Variants in KAZN observed in about 807,000 individuals in gnomAD.
KAZN encodes kazrin.
Under a neutral mutation model 87.4 loss-of-function variants are expected in KAZN, and 40 were observed. The ratio of observed to expected loss-of-function variants is 0.46; its 90% confidence interval spans 0.36 to 0.60. The LOEUF (loss-of-function observed/expected upper bound fraction) is 0.60, where lower values mean the gene tolerates loss of function less well. Among genes scored for constraint, KAZN ranks in the 20% least tolerant of loss-of-function variants. The probability of loss-of-function intolerance (pLI) is 0.00; values close to 1 mark genes in which losing one functional copy is unlikely to be tolerated. For missense variants in KAZN, 898 were observed against 1,073.9 expected, an observed-to-expected ratio of 0.84 and a Z score of 2.29; for synonymous variants, 466 against 458.3, an observed-to-expected ratio of 1.02 and a Z score of -0.22.
intron 4 of KAZN, among the ~76,000 whole-genome samples, chr1:15,046,277 A>T (rs992869005): frequency 7.3e-6 from 1 of 137,024 alleles, no homozygotes. Flanking sequence ...CAGCCTGGGC[A>T]ACAGAGCAAG....
intron 2 of KAZN, among the ~76,000 whole-genome samples, chr1:14,446,835 CA>C (rs1456057818): frequency 6.6e-6 from 1 of 152,096 alleles, no homozygotes; most frequent in Non-Finnish European, 1.5e-5. Flanking sequence ...GAAAGATCCC[CA>C]TCCCTACCCC....
At chr1:14,272,601 G>A (rs1322748122) in intron 2 of KAZN, among the ~76,000 whole-genome samples, 2 of 152,200 alleles carry the variant, frequency 1.3e-5, no homozygotes, top group South Asian at 2.1e-4. Context: ...GCTCACACCT[G>A]TAATCCCAGC....
intron 2 of KAZN, among the ~76,000 whole-genome samples, chr1:14,966,219 A>G (rs1184251722): frequency 6.6e-6 from 1 of 152,178 alleles, no homozygotes; most frequent in Non-Finnish European, 1.5e-5. Flanking sequence ...ACCTTAAGCA[A>G]TCTGCCTGCC....
Position 15,081,561 on chromosome 1 carries a change from C to T in KAZN, c.1223-12619C>T, listed in dbSNP as rs552961284. ...GAAAGGTTCCAGGAATTAATGACAG[C>T]GTGTGTGTGTGTGTGTGTGAGTGTG... is the stretch of plus-strand genomic sequence containing the variant. On this transcript the variant is annotated intron_variant, in intron 8 of 14. Transcript: ENST00000376030. The surrounding 1 kb of genome is among the most constrained non-coding windows in gnomAD (Gnocchi z 4.1). Among the ~76,000 whole-genome samples the T allele has an allele frequency of 2.0e-5, 3 of 149,774 alleles. No individual in the cohort carries two copies. In the South Asian group the frequency reaches 6.4e-4, roughly 32 times the overall value.
At position 14,891,117 on chromosome 1, in the gene KAZN, T is replaced by C. The variant is rs187101311; in HGVS notation, c.227-69567T>C. On this transcript the variant is annotated intron_variant, in intron 1 of 14. Transcript: ENST00000376030. ...CCTCGGCCTCCCAAAGTGCTGGGAT[T>C]ACAGGTGTGAGCCACCGCGCCTGGC... is the stretch of plus-strand genomic sequence containing the variant. Among the ~76,000 whole-genome samples, 639 of 152,224 alleles carry C rather than the reference T, an allele frequency of 4.2e-3. 3 individuals are homozygous for C. The highest frequency in any genetic ancestry group is 0.014 in the African/African-American group (601 of 41,524).
chr1:14,691,998 C>A (rs1166459073), intron 1 of KAZN: 2 of 184,264 alleles, frequency 1.1e-5, no homozygotes, highest in Non-Finnish European at 2.4e-5. Context: ...AAATATGCAA[C>A]TGGATAAAAA....
intron 1 of KAZN, among the ~76,000 whole-genome samples, chr1:14,818,474 G>A (rs1474081451): frequency 2.0e-5 from 3 of 152,244 alleles, no homozygotes; most frequent in African/African-American, 7.2e-5. Context: ...AGGGACAAGG[G>A]TCACGAAGCA....
intron 2 of KAZN, among the ~76,000 whole-genome samples, chr1:14,468,977 C>G (rs1668306563): frequency 1.3e-5 from 2 of 152,326 alleles, no homozygotes; most frequent in Admixed American, 6.5e-5. Flanking sequence ...GGGATTGTTA[C>G]AGTTTACTGT....
intron 1 of KAZN, among the ~76,000 whole-genome samples, chr1:14,853,900 G>A (rs1180982823): frequency 6.6e-5 from 10 of 152,224 alleles, no homozygotes; most frequent in East Asian, 5.8e-4. Context: ...GGCAAGAAAC[G>A]AAGATCAGAG....
chr1:14,818,101 C>T (rs1043125987), intron 1 of KAZN, among the ~76,000 whole-genome samples: 60 of 152,244 alleles, frequency 3.9e-4, no homozygotes, highest in African/African-American at 1.4e-3. Context: ...CCCTCTTATT[C>T]CCCCGCCCCA....
chr1:15,077,156 A>G lies in KAZN; in HGVS notation c.1222+11403A>G, dbSNP rs1208585920. On this transcript the variant is annotated intron_variant, in intron 8 of 14. Coordinates refer to ENST00000376030, the MANE Select transcript of KAZN (RefSeq NM_201628.3). The surrounding 1 kb of genome is among the most constrained non-coding windows in gnomAD (Gnocchi z 4.8). ...TACACCCCAAGTCTTTCATATTGACAACTAATTTTTTTTTAATTTAGTGTC... is the reference window on the plus strand; with the variant it reads ...TACACCCCAAGTCTTTCATATTGACGACTAATTTTTTTTTAATTTAGTGTC... Among the ~76,000 whole-genome samples the G allele has an allele frequency of 1.3e-5, 2 of 149,492 alleles. No homozygotes were observed. Among genetic ancestry groups the G allele is most frequent in the East Asian group, 2.5e-4 (1 of 3,952 alleles).
chr1:14,337,132 G>A (rs1237661092), intron 2 of KAZN, among the ~76,000 whole-genome samples: 4 of 152,224 alleles, frequency 2.6e-5, no homozygotes, highest in Admixed American at 2.0e-4. Context: ...TGACGCATAT[G>A]AAGCACTTAG....
At chr1:15,110,227 G>A in intron 13 of KAZN, among the ~76,000 whole-genome samples, 1 of 149,990 alleles carries the variant, frequency 6.7e-6, no homozygotes, top group East Asian at 2.0e-4. Flanking sequence ...GTGTGTTTGT[G>A]TATGTGTATA....
chr1:13,935,955 A>G (rs12038671), intron 1 of KAZN, among the ~76,000 whole-genome samples: 2,446 of 151,318 alleles, frequency 0.016, 69 homozygotes, highest in African/African-American at 0.054. Context: ...TAGAATATAT[A>G]TACTAGAATA....
intron 2 of KAZN, among the ~76,000 whole-genome samples, chr1:14,259,430 C>T (rs1407166246): frequency 6.6e-6 from 1 of 152,096 alleles, no homozygotes; most frequent in Non-Finnish European, 1.5e-5. Flanking sequence ...TGTACCCAGG[C>T]GCTCCAAACA....
intron 1 of KAZN, among the ~76,000 whole-genome samples, chr1:14,936,196 C>T (rs1269797587): frequency 6.6e-6 from 1 of 152,242 alleles, no homozygotes; most frequent in Non-Finnish European, 1.5e-5. Context: ...GGACCTGTGT[C>T]CCTGTTTGGT....
intron 2 of KAZN, among the ~76,000 whole-genome samples, chr1:14,452,703 A>T (rs1667342466): frequency 6.6e-6 from 1 of 152,166 alleles, no homozygotes; most frequent in African/African-American, 2.4e-5. Context: ...ACTCTTCTCT[A>T]TCCATGTGTG....
At chr1:14,012,459 T>C (rs781173297) in intron 1 of KAZN, among the ~76,000 whole-genome samples, 1 of 152,142 alleles carries the variant, frequency 6.6e-6, no homozygotes, top group Non-Finnish European at 1.5e-5. Flanking sequence ...AAAAAATAAG[T>C]AAAAACATTG....
At chr1:14,495,890 A>G (rs12132708) in intron 2 of KAZN, among the ~76,000 whole-genome samples, 1 of 152,108 alleles carries the variant, frequency 6.6e-6, no homozygotes, top group Non-Finnish European at 1.5e-5. Context: ...ATCATTTATC[A>G]TCAGGGAGTC....
Sources: gnomAD v4.1 joint callset for allele counts (sites outside exome capture counted in the v4.1 genomes callset) on GRCh38, gnomAD v4.1.1 for gene constraint, Gnocchi (gnomAD v3.1) non-coding constraint, MANE v1.5 for transcripts, NCBI Gene and HGNC (gene_info 2026-07-23, HGNC 2026-07-21) for gene names.